The following LRMDA variants were observed in gnomAD, a reference collection of about 807,000 sequenced individuals.
LRMDA encodes the protein leucine-rich melanocyte differentiation-associated protein.
LRMDA carries 18 observed loss-of-function variants against 29.8 expected under a neutral mutation model. The observed-to-expected ratio is 0.60, with a 90% confidence interval of 0.42 to 0.90. The LOEUF (loss-of-function observed/expected upper bound fraction) is 0.90. Ranked by LOEUF, LRMDA falls within the 40% of genes least tolerant of loss-of-function variation. The pLI, the probability that LRMDA is intolerant of heterozygous loss-of-function variation, is 0.00. For synonymous variants in LRMDA, 125 were observed against 109.4 expected, an observed-to-expected ratio of 1.14 and a Z score of -0.89; for missense variants, 273 against 273.9, an observed-to-expected ratio of 1.00 and a Z score of 0.02.
chr10:76,407,981 T>C (rs1841920084), intron 6 of LRMDA, among the ~76,000 whole-genome samples: 1 of 152,222 alleles, frequency 6.6e-6, no homozygotes, highest in Admixed American at 6.5e-5. Flanking sequence ...TCTGCCATAT[T>C]ACAGATGAGA....
In LRMDA at chr10:75,864,143, T is replaced by A. The variant is rs553433144; in HGVS notation, c.132-171865T>A. 3.9e-5 allele frequency among the ~76,000 whole-genome samples: 6 copies of A among 152,326 alleles called. No individual in the cohort carries two copies. In the East Asian group the frequency reaches 1.2e-3, roughly 29 times the overall value. On this transcript the variant is annotated intron_variant, in intron 2 of 6. Coordinates refer to ENST00000611255, the MANE Select transcript of LRMDA (RefSeq NM_001305581.2). ...CGGGGCAAGGTCTCTGTCTACTCTT[T>A]AAGGTTATCTTGAGAACCGGATGAG...
intron 2 of LRMDA, among the ~76,000 whole-genome samples, chr10:75,526,530 C>G (rs1218870931): frequency 6.6e-6 from 1 of 151,914 alleles, no homozygotes; most frequent in Non-Finnish European, 1.5e-5. Context: ...GAGGCAGTGA[C>G]AGTCATATTT....
In LRMDA at chr10:76,497,554, T is replaced by C. The variant is rs1842886289; in HGVS notation, c.602-59655T>C. Among the ~76,000 whole-genome samples, 2 of 75,746 alleles carry C rather than the reference T, an allele frequency of 2.6e-5. 1 individual carries two copies. Among genetic ancestry groups the C allele is most frequent in the Non-Finnish European group, 8.8e-5 (2 of 22,774 alleles). 49.7% of individuals were successfully genotyped at this position (75,746 alleles called of 152,430 possible). A position where few individuals can be genotyped will look rare whatever the true frequency, so the allele number is the denominator to read the frequency against. On this transcript the variant is annotated intron_variant, in intron 6 of 6. Transcript: ENST00000611255. ...CCACTGACTCTATTCAGTAGAGAGATGGCAAAAGTGTGAAATTGTATTCTC... is the reference window on the plus strand; with the variant it reads ...CCACTGACTCTATTCAGTAGAGAGACGGCAAAAGTGTGAAATTGTATTCTC...
chr10:75,458,884 A>T (rs1039654135), intron 2 of LRMDA, among the ~76,000 whole-genome samples: 1 of 152,134 alleles, frequency 6.6e-6, no homozygotes, highest in Non-Finnish European at 1.5e-5. Context: ...TATTTTTACA[A>T]CCATAAAAAA....
intron 2 of LRMDA, among the ~76,000 whole-genome samples, chr10:75,797,310 A>G (rs963273510): frequency 2.2e-4 from 34 of 151,956 alleles, no homozygotes; most frequent in African/African-American, 7.5e-4. Context: ...CCATTATACC[A>G]TTTTTCATTT....
chr10:76,008,739 G>A (rs1847720725), intron 2 of LRMDA, among the ~76,000 whole-genome samples: 1 of 152,234 alleles, frequency 6.6e-6, no homozygotes, highest in Non-Finnish European at 1.5e-5. Flanking sequence ...TTTGATGGGT[G>A]TTGGAGAGCT....
At chr10:76,217,613 A>G (rs1451678784) in intron 5 of LRMDA, among the ~76,000 whole-genome samples, 2 of 152,126 alleles carry the variant, frequency 1.3e-5, no homozygotes, top group South Asian at 2.1e-4. Context: ...AGAAGAAGAG[A>G]ATGTTATTTT....
At chr10:75,950,978 C>T (rs1337045705) in intron 2 of LRMDA, among the ~76,000 whole-genome samples, 1 of 152,194 alleles carries the variant, frequency 6.6e-6, no homozygotes, top group Non-Finnish European at 1.5e-5. Context: ...CTTCCTGATT[C>T]CATGCCCAAG....
chr10:75,493,345 T>TTGGGTGGG (rs201240234), intron 2 of LRMDA, among the ~76,000 whole-genome samples: 4 of 56,902 alleles, frequency 7.0e-5, no homozygotes, highest in East Asian at 4.0e-4. Context: ...AGGGTTGAGA[T>TTGGGTGGG]TGGGTGTGTG....
At chr10:76,027,806 T>C (rs1848085995) in intron 2 of LRMDA, among the ~76,000 whole-genome samples, 1 of 152,212 alleles carries the variant, frequency 6.6e-6, no homozygotes, top group South Asian at 2.1e-4. Flanking sequence ...TGTGACTTAA[T>C]TTGGGGTACT....
At chr10:75,484,839 T>C (rs1844893570) in intron 2 of LRMDA, among the ~76,000 whole-genome samples, 1 of 152,246 alleles carries the variant, frequency 6.6e-6, no homozygotes, top group Admixed American at 6.5e-5. Context: ...CACCTTGATC[T>C]TGGAACTCTA....
At chr10:75,459,292 C>T (rs973305220) in intron 2 of LRMDA, among the ~76,000 whole-genome samples, 2 of 152,040 alleles carry the variant, frequency 1.3e-5, no homozygotes, top group African/African-American at 2.4e-5. Context: ...AAAAATTAGC[C>T]AGGCATGGTG....
intron 5 of LRMDA, among the ~76,000 whole-genome samples, chr10:76,135,533 A>G (rs1024764232): frequency 6.6e-6 from 1 of 152,182 alleles, no homozygotes; most frequent in African/African-American, 2.4e-5. Flanking sequence ...AGCACAACCA[A>G]CTAGGTGGTT....
At chr10:75,720,396 A>G (rs748397470) in intron 2 of LRMDA, among the ~76,000 whole-genome samples, 18 of 152,340 alleles carry the variant, frequency 1.2e-4, no homozygotes, top group Middle Eastern at 6.8e-3. Flanking sequence ...CTATGAAATA[A>G]AAGGCTTGCA....
At chr10:75,826,981 C>T (rs1289282642) in intron 2 of LRMDA, among the ~76,000 whole-genome samples, 2 of 151,838 alleles carry the variant, frequency 1.3e-5, no homozygotes, top group African/African-American at 4.8e-5. Flanking sequence ...TGTGATGATC[C>T]CCTGAGATCA....
intron 2 of LRMDA, among the ~76,000 whole-genome samples, chr10:75,910,143 A>G (rs1845820505): frequency 6.6e-6 from 1 of 152,110 alleles, no homozygotes; most frequent in Non-Finnish European, 1.5e-5. Context: ...TCCTTTGGAG[A>G]CCTAGACAAT....
intron 2 of LRMDA, among the ~76,000 whole-genome samples, chr10:75,449,650 G>GAA: frequency 6.6e-6 from 1 of 151,912 alleles, no homozygotes; most frequent in African/African-American, 2.4e-5. Context: ...AGCATTTCCT[G>GAA]CTCTCTCCCA....
intron 2 of LRMDA, among the ~76,000 whole-genome samples, chr10:76,010,536 T>A (rs983975375): frequency 6.6e-6 from 1 of 152,168 alleles, no homozygotes; most frequent in Non-Finnish European, 1.5e-5. Flanking sequence ...ATGGTCTCGA[T>A]CTCCTGACCT....
chr10:76,179,240 G>A (rs539214710), intron 5 of LRMDA, among the ~76,000 whole-genome samples: 1 of 152,104 alleles, frequency 6.6e-6, no homozygotes, highest in Non-Finnish European at 1.5e-5. Context: ...ATCAAGGAGG[G>A]GGGGGTGGTG....
Sources: gnomAD v4.1 joint callset for allele counts (sites outside exome capture counted in the v4.1 genomes callset) on GRCh38, gnomAD v4.1.1 for gene constraint, MANE v1.5 for transcripts, NCBI Gene and HGNC (gene_info 2026-07-23, HGNC 2026-07-21) for gene names.